The following CSMD1 variants were observed in gnomAD, a reference collection of about 807,000 sequenced individuals.
The protein encoded by CSMD1 is CUB and sushi domain-containing protein 1.
In CSMD1, 213 loss-of-function variants were observed where a neutral mutation model predicts 417.5. The ratio of observed to expected loss-of-function variants is 0.51; its 90% CI spans 0.46 to 0.57. The LOEUF (loss-of-function observed/expected upper bound fraction) is 0.57, where lower values mean the gene tolerates loss of function less well. Among genes scored for constraint, CSMD1 ranks in the 20% least tolerant of loss-of-function variants. The probability of loss-of-function intolerance (pLI) is 0.00; values close to 1 mark genes in which losing one functional copy is unlikely to be tolerated. For synonymous variants in CSMD1, 2,862 were observed against 1,736.8 expected, an observed-to-expected ratio of 1.65 and a Z score of -16.11; for missense variants, 6,923 against 4,529.7, an observed-to-expected ratio of 1.53 and a Z score of -15.17.
intron 39 of CSMD1, among the ~76,000 whole-genome samples, chr8:3,153,186 A>G (rs778154300): frequency 2.4e-4 from 37 of 152,124 alleles, no homozygotes; most frequent in Non-Finnish European, 4.7e-4. Context: ...GGTTGTCCTC[A>G]CTGCTACACT....
chr8:2,939,260 T>C (rs1801700543), intron 69 of CSMD1, among the ~76,000 whole-genome samples: 1 of 152,250 alleles, frequency 6.6e-6, no homozygotes, highest in South Asian at 2.1e-4. Flanking sequence ...TAAAACAGGG[T>C]TGTGGGCATA....
chr8:4,270,078 A>C (rs976421061), intron 3 of CSMD1, among the ~76,000 whole-genome samples: 1 of 152,148 alleles, frequency 6.6e-6, no homozygotes, highest in African/African-American at 2.4e-5. Context: ...CTGAGGAGAG[A>C]AACATGATCA....
At chr8:4,469,740 G>T (rs1043556340) in intron 2 of CSMD1, among the ~76,000 whole-genome samples, 1 of 152,072 alleles carries the variant, frequency 6.6e-6, no homozygotes, top group Non-Finnish European at 1.5e-5. Flanking sequence ...TCTCTGCACA[G>T]GAGGCAATGG....
At chr8:3,972,127 G>A (rs556873045) in intron 5 of CSMD1, among the ~76,000 whole-genome samples, 24 of 152,138 alleles carry the variant, frequency 1.6e-4, no homozygotes, top group Middle Eastern at 6.8e-3. Flanking sequence ...TGCCTGGGAC[G>A]GCGAAAGTGC....
At chr8:4,217,304 C>G (rs899466683) in intron 3 of CSMD1, among the ~76,000 whole-genome samples, 2 of 152,218 alleles carry the variant, frequency 1.3e-5, no homozygotes, top group African/African-American at 4.8e-5. Context: ...CATGCAAGCA[C>G]TGTGAATCCC....
At chr8:3,456,617 C>T (rs1418762835) in intron 12 of CSMD1, among the ~76,000 whole-genome samples, 1 of 152,170 alleles carries the variant, frequency 6.6e-6, no homozygotes, top group Non-Finnish European at 1.5e-5. Context: ...TCCTATTTAG[C>T]ATTGAAATAG....
At position 4,569,702 on chromosome 8, in the gene CSMD1, T is replaced by G. The variant is rs139683907; in HGVS notation, c.302+67640A>C. ...AAAGTCAATGGTAGCTTGATGGGAA[T>G]AGCATTGAATCTATATATTACTTTG... On this transcript the variant is annotated intron_variant, in intron 2 of 69. Coordinates refer to ENST00000635120, the MANE Select transcript of CSMD1 (RefSeq NM_033225.6). Among the ~76,000 whole-genome samples, 59 of 152,334 alleles carry G rather than the reference T, an allele frequency of 3.9e-4. No homozygotes were observed. In the East Asian group the frequency reaches 9.8e-3, roughly 25 times the overall value.
At chr8:4,970,807 G>C (rs1046386561) in intron 1 of CSMD1, among the ~76,000 whole-genome samples, 11 of 151,954 alleles carry the variant, frequency 7.2e-5, no homozygotes, top group African/African-American at 2.7e-4. Context: ...CTCAAAACCA[G>C]GTAATACCCT....
At chr8:4,156,197 G>C (rs1796824747) in intron 3 of CSMD1, among the ~76,000 whole-genome samples, 1 of 152,140 alleles carries the variant, frequency 6.6e-6, no homozygotes, top group Non-Finnish European at 1.5e-5. Flanking sequence ...TTTCATATCT[G>C]GACTGGGATC....
At position 4,158,732 on chromosome 8, in the gene CSMD1, T is replaced by A. The variant is rs1230718677; in HGVS notation, c.416-126633A>T. On this transcript the variant is annotated intron_variant, in intron 3 of 69. Coordinates refer to ENST00000635120, the MANE Select transcript of CSMD1 (RefSeq NM_033225.6). ...CCATTCAGTCCTTATCACAACCCCA[T>A]GAGAACCACCATCATCGTCACTTGA... Among the ~76,000 whole-genome samples the A allele has an allele frequency of 2.0e-5, 3 of 152,170 alleles. No individual in the cohort carries two copies. The South Asian group carries it at 6.2e-4, about 32-fold the overall frequency.
chr8:3,415,051 T>A (rs114145039), intron 12 of CSMD1, among the ~76,000 whole-genome samples: 1 of 152,210 alleles, frequency 6.6e-6, no homozygotes, highest in Non-Finnish European at 1.5e-5. Flanking sequence ...CAACAGATGC[T>A]TTTCTAAATT....
intron 3 of CSMD1, among the ~76,000 whole-genome samples, chr8:4,387,965 T>C (rs1260698858): frequency 9.9e-5 from 15 of 152,238 alleles, no homozygotes; most frequent in Admixed American, 9.2e-4. Context: ...AATTTAAAAT[T>C]TTACTCTCAG....
intron 1 of CSMD1, among the ~76,000 whole-genome samples, chr8:4,698,317 C>T (rs1222118147): frequency 6.6e-6 from 1 of 151,946 alleles, no homozygotes; most frequent in African/African-American, 2.4e-5. Flanking sequence ...TGATGAACAA[C>T]GGCTCATGGA....
chr8:4,267,506 CAGTA>C (rs1264237756), intron 3 of CSMD1, among the ~76,000 whole-genome samples: 4 of 151,622 alleles, frequency 2.6e-5, no homozygotes, highest in African/African-American at 9.7e-5. Flanking sequence ...TATCTAAACG[CAGTA>C]AGTATTGATC....
At chr8:4,784,493 G>C (rs1310948233) in intron 1 of CSMD1, among the ~76,000 whole-genome samples, 1 of 152,176 alleles carries the variant, frequency 6.6e-6, no homozygotes. Flanking sequence ...GTTTTACATA[G>C]ACCAAATATC....
chr8:4,604,096 A>G (rs1486957582), intron 2 of CSMD1, among the ~76,000 whole-genome samples: 1 of 152,030 alleles, frequency 6.6e-6, no homozygotes, highest in Non-Finnish European at 1.5e-5. Flanking sequence ...AGACAGATAA[A>G]CAATTTTTTA....
chr8:3,192,239 A>G (rs1796465427), intron 33 of CSMD1, among the ~76,000 whole-genome samples: 1 of 152,256 alleles, frequency 6.6e-6, no homozygotes, highest in Non-Finnish European at 1.5e-5. Context: ...CAAGCTAAAA[A>G]TGAAATACAG....
chr8:3,643,724 G>T (rs1358337843), intron 7 of CSMD1, among the ~76,000 whole-genome samples: 2 of 120,836 alleles, frequency 1.7e-5, no homozygotes, highest in East Asian at 2.4e-4. Context: ...AAAAAAAAAG[G>T]AAATGCCTCC....
At chr8:4,774,327 G>A (rs1056232728) in intron 1 of CSMD1, among the ~76,000 whole-genome samples, 2 of 152,112 alleles carry the variant, frequency 1.3e-5, no homozygotes, top group South Asian at 4.1e-4. Flanking sequence ...ATTGAGGGCA[G>A]GTCTCTCAAA....
Sources: gnomAD v4.1 joint callset for allele counts (sites outside exome capture counted in the v4.1 genomes callset) on GRCh38, gnomAD v4.1.1 for gene constraint, MANE v1.5 for transcripts, NCBI Gene and HGNC (gene_info 2026-07-23, HGNC 2026-07-21) for gene names.